Variants in RSRC1 observed in about 807,000 individuals in gnomAD.
RSRC1 encodes the protein arginine and serine rich coiled-coil 1.
Under a neutral mutation model 49.1 loss-of-function variants are expected in RSRC1, and 39 were observed. The observed-to-expected ratio is 0.79, with a 90% confidence interval of 0.61 to 1.04. The LOEUF is 1.04. Ranked by LOEUF, RSRC1 falls within the 50% of genes least tolerant of loss-of-function variation. The pLI is 0.00. For synonymous variants in RSRC1, 143 were observed against 130.8 expected, an observed-to-expected ratio of 1.09 and a Z score of -0.63; for missense variants, 388 against 402.4, an observed-to-expected ratio of 0.96 and a Z score of 0.31.
At chr3:158,365,053 GTAAT>G (rs1175288319) in intron 6 of RSRC1, among the ~76,000 whole-genome samples, 3 of 151,974 alleles carry the variant, frequency 2.0e-5, no homozygotes. Context: ...GCTTTATGAG[GTAAT>G]TAAAGAAGTT....
At chr3:158,284,582 A>G (rs1372881104) in intron 4 of RSRC1, among the ~76,000 whole-genome samples, 3 of 144,496 alleles carry the variant, frequency 2.1e-5, no homozygotes, top group Non-Finnish European at 4.5e-5. Context: ...AATGATTGCC[A>G]TTCTAACTGG....
chr3:158,529,111 A>G (rs1359140907), intron 7 of RSRC1, among the ~76,000 whole-genome samples: 6 of 151,138 alleles, frequency 4.0e-5, no homozygotes, highest in Non-Finnish European at 8.9e-5. Context: ...TCAAATGTGA[A>G]AGATTCTGAA....
chr3:158,451,324 C>G (rs1737014875), intron 6 of RSRC1, among the ~76,000 whole-genome samples: 1 of 151,990 alleles, frequency 6.6e-6, no homozygotes, highest in African/African-American at 2.4e-5. Context: ...TCAGCATTTA[C>G]TGCTTTGTAC....
chr3:158,409,418 A>G (rs1734316212), intron 6 of RSRC1, among the ~76,000 whole-genome samples: 1 of 152,146 alleles, frequency 6.6e-6, no homozygotes, highest in East Asian at 1.9e-4. Context: ...AGAGGGACAT[A>G]ATGTTTTGTT....
intron 4 of RSRC1, among the ~76,000 whole-genome samples, chr3:158,247,502 C>T (rs1723970505): frequency 6.6e-6 from 1 of 152,074 alleles, no homozygotes; most frequent in Non-Finnish European, 1.5e-5. Flanking sequence ...CACTGATTTG[C>T]AGGGTTTTGC....
chr3:158,345,502 A>G (rs1730502644), intron 5 of RSRC1, among the ~76,000 whole-genome samples: 1 of 152,134 alleles, frequency 6.6e-6, no homozygotes, highest in African/African-American at 2.4e-5. Context: ...ATTGATATGT[A>G]GAGTTGGTTC....
In RSRC1 at chr3:158,328,936, CT is replaced by C. The variant is rs559225995; in HGVS notation, c.532-25916del. On this transcript the variant is annotated intron_variant, in intron 5 of 9. Transcript: ENST00000611884. ...TATTTCTTGGAGGCTTTGTTCATTT[CT>C]TTTTGCTCTTTTTTCTCTAAGCTTC... Among the ~76,000 whole-genome samples the C allele has an allele frequency of 7.2e-5, 11 of 152,300 alleles. No individual in the cohort carries two copies. In the South Asian group the frequency reaches 2.3e-3, roughly 32 times the overall value.
intron 4 of RSRC1, among the ~76,000 whole-genome samples, chr3:158,246,780 A>T (rs1312113825): frequency 6.6e-6 from 1 of 152,098 alleles, no homozygotes; most frequent in East Asian, 1.9e-4. Flanking sequence ...CCCTTTGTAG[A>T]TGAACTGGCC....
At chr3:158,301,506 C>A (rs1035365856) in intron 5 of RSRC1, among the ~76,000 whole-genome samples, 2 of 152,056 alleles carry the variant, frequency 1.3e-5, no homozygotes, top group Admixed American at 1.3e-4. Context: ...CCAGATTTAT[C>A]AAGGGAGAAT....
chr3:158,114,741 T>C (rs1714677957), intron 1 of RSRC1, among the ~76,000 whole-genome samples: 1 of 152,158 alleles, frequency 6.6e-6, no homozygotes, highest in African/African-American at 2.4e-5. Flanking sequence ...TATTCCTAGG[T>C]ATTTTATTCT....
intron 5 of RSRC1, among the ~76,000 whole-genome samples, chr3:158,311,859 T>TGACA (rs1291512266): frequency 1.3e-5 from 2 of 152,096 alleles, no homozygotes. Context: ...CAGTTAGACC[T>TGACA]CAGTAAACCA....
At position 158,543,434 on chromosome 3, in the gene RSRC1, A is replaced by G. The variant is rs1713149435; in HGVS notation, c.859A>G (p.Ser287Gly). 7 of 1,612,008 alleles carry G rather than the reference A, an allele frequency of 4.3e-6. No homozygotes were observed. In the Admixed American group the frequency reaches 8.4e-5, roughly 19 times the overall value. The stretch of plus-strand genomic sequence containing the variant: ...TACTGAAAAAGAAATAGATCCTACC[A>G]GCATCCCTACTGCTATCAAGTACCA... ...PSTEKEIDPT[S>G]IPTAIKYQDD... Residue 287 changes from serine to glycine, a missense_variant, in exon 9 of 10, where the codon AGC becomes GGC. By Grantham distance (56) the Ser-to-Gly change is moderately conservative. Coordinates refer to ENST00000611884, the MANE Select transcript of RSRC1 (RefSeq NM_001271838.2).
At chr3:158,147,839 A>G (rs1305010899) in intron 3 of RSRC1, among the ~76,000 whole-genome samples, 5 of 152,140 alleles carry the variant, frequency 3.3e-5, no homozygotes, top group African/African-American at 9.7e-5. Context: ...AATTCTGTTT[A>G]TGTAGTCTAG....
intron 4 of RSRC1, among the ~76,000 whole-genome samples, chr3:158,252,160 A>AT (rs34449906): frequency 0.065 from 9,286 of 142,718 alleles, 975 homozygotes; most frequent in African/African-American, 0.22. Context: ...ATGATGAATG[A>AT]TTTTTTTTTT....
chr3:158,114,775 G>A (rs1714681042), intron 1 of RSRC1, among the ~76,000 whole-genome samples: 1 of 152,092 alleles, frequency 6.6e-6, no homozygotes, highest in Non-Finnish European at 1.5e-5. Flanking sequence ...GTAAATGGGA[G>A]TTCATTCATG....
chr3:158,366,969 CT>C (rs2108261256), intron 6 of RSRC1, among the ~76,000 whole-genome samples: 1 of 152,252 alleles, frequency 6.6e-6, no homozygotes, highest in African/African-American at 2.4e-5. Context: ...TATAGGAATG[CT>C]TGTTATTTTT....
intron 3 of RSRC1, among the ~76,000 whole-genome samples, chr3:158,163,214 G>C (rs1163287653): frequency 6.6e-6 from 1 of 152,100 alleles, no homozygotes; most frequent in Non-Finnish European, 1.5e-5. Context: ...TGTTGGCCAG[G>C]CTGGTCTCAA....
chr3:158,326,268 T>A (rs1729131269), intron 5 of RSRC1, among the ~76,000 whole-genome samples: 1 of 152,198 alleles, frequency 6.6e-6, no homozygotes, highest in African/African-American at 2.4e-5. Flanking sequence ...AACACTATGT[T>A]GAATAGGAGT....
intron 1 of RSRC1, among the ~76,000 whole-genome samples, chr3:158,113,615 C>A (rs148933732): frequency 6.6e-6 from 1 of 152,088 alleles, no homozygotes; most frequent in Non-Finnish European, 1.5e-5. Context: ...GATCCACCCC[C>A]CTCAGCCTCC....
Sources: allele counts gnomAD v4.1 joint callset (sites outside exome capture counted in the v4.1 genomes callset), GRCh38; gene constraint gnomAD v4.1.1; transcripts MANE v1.5; gene names NCBI Gene and HGNC (gene_info 2026-07-23, HGNC 2026-07-21).